The following CIITA variants were observed in gnomAD, a reference collection of about 807,000 sequenced individuals.
CIITA encodes MHC class II transactivator.
CIITA carries 72 observed loss-of-function variants against 115.1 expected under a neutral mutation model. That is an observed-to-expected ratio of 0.63 (90% confidence interval 0.52 to 0.76). The LOEUF is 0.76. Ranked by LOEUF, CIITA falls within the 30% of genes least tolerant of loss-of-function variation. CIITA has a pLI of 0.00. For synonymous variants in CIITA, 763 were observed against 635.6 expected (o/e 1.20, Z -3.02); for missense variants, 1,617 against 1,463.8 (o/e 1.10, Z -1.71).
At chr16:10,893,511 A>G (rs1336791492) in intron 1 of CIITA, among the ~76,000 whole-genome samples, 1 of 152,158 alleles carries the variant, frequency 6.6e-6, no homozygotes, top group East Asian at 1.9e-4. Flanking sequence ...TAATTCACAT[A>G]TACAATTTGC....
Position 10,923,240 on chromosome 16 carries a change from C to T in CIITA, c.3330C>T (p.Pro1110=). 1.9e-6 allele frequency: 3 copies of T among 1,613,410 alleles called. No homozygotes were observed. Among genetic ancestry groups the T allele is most frequent in the Non-Finnish European group, 2.5e-6 (3 of 1,179,998 alleles). The change falls in exon 19 of 20, where the codon CCC becomes CCT. Residue 1110 remains proline (P), a synonymous_variant. Transcript: ENST00000324288. This position sits in a 1 kb window ranked among gnomAD's most constrained non-coding sequence, Gnocchi z 5.2. ...TCCCCCCTTGCAGGATGTGGACGCC[C>T]ACCATCCCATTCAGTGTCCAGGAAC... The part of the protein sequence containing the change: ...PHVETLAMWT[P]TIPFSVQEHL...
Position 10,929,250 on chromosome 16 carries a change from T to C in CIITA, c.*5395T>C, listed in dbSNP as rs2145286725. 1.0e-6 allele frequency: 1 copy of C among 985,892 alleles called. No homozygotes were observed. Among genetic ancestry groups the C allele is most frequent in the Middle Eastern group, 5.2e-4 (1 of 1,914 alleles). 61.1% of individuals were successfully genotyped at this position (985,892 alleles called of 1,614,324 possible). A position where few individuals can be genotyped will look rare whatever the true frequency, so the allele number is the denominator to read the frequency against. The stretch of plus-strand genomic sequence containing the variant: ...GAGCTGGGAGTCGCTTTTGCGTGTG[T>C]CCGCAGTTTGAAGTGTCCTCTCCGA... On this transcript the variant is annotated 3_prime_UTR_variant, in exon 20 of 20. Transcript: ENST00000324288. The surrounding 1 kb of genome is among the most constrained non-coding windows in gnomAD (Gnocchi z 4.3).
chr16:10,908,040 A>G lies in CIITA; in HGVS notation c.2548A>G (p.Lys850Glu). Reference sequence around the variant, plus strand: ...GCCTCCTGATGCACATGTACTGGGCAAGGCCTTGGAGGCGGCGGGCCAAGA... The same window carrying G: ...GCCTCCTGATGCACATGTACTGGGCGAGGCCTTGGAGGCGGCGGGCCAAGA... Reference protein sequence around the residue: ...LTPPDAHVLGKALEAAGQDFS... With the variant: ...LTPPDAHVLGEALEAAGQDFS... Residue 850 changes from lysine to glutamate, a missense_variant, in exon 11 of 20, where the codon AAG becomes GAG. By Grantham distance (56) the Lys-to-Glu change is moderately conservative (BLOSUM62 1). Transcript: ENST00000324288. 1 of 1,613,574 alleles carries G rather than the reference A, an allele frequency of 6.2e-7. No individual in the cohort carries two copies. Among genetic ancestry groups the G allele is most frequent in the Non-Finnish European group, 8.5e-7 (1 of 1,179,636 alleles).
chr16:10,903,486 G>T (rs2038927624), intron 8 of CIITA, among the ~76,000 whole-genome samples: 1 of 152,158 alleles, frequency 6.6e-6, no homozygotes, highest in East Asian at 1.9e-4. Context: ...AGTAGTACCT[G>T]CCCTAAGTTC....
At position 10,942,298 on chromosome 16, in the gene CIITA, G is replaced by T; in HGVS notation, n.1424G>T. Reference sequence around the variant, plus strand: ...GGCTCCCTCGTGGCGCCTCCCTGGCGCTCGCAGGGCCTCGCAGAGCCGGTG... The same window carrying T: ...GGCTCCCTCGTGGCGCCTCCCTGGCTCTCGCAGGGCCTCGCAGAGCCGGTG... On this transcript the variant is annotated non_coding_transcript_exon_variant, in exon 2 of 2. Coordinates refer to the CIITA transcript ENST00000573379. The surrounding 1 kb of genome is among the most constrained non-coding windows in gnomAD (Gnocchi z 5.0). The T allele has an allele frequency of 3.3e-6, 1 of 304,494 alleles. No individual in the cohort carries two copies. The allele number at this position is 304,494 out of a possible 1,614,324, so 18.9% of individuals were successfully genotyped here.
rs1173192913 is a variant in CIITA at position 10,908,348 on chromosome 16, A to G, written c.2657+199A>G. ...ACTTGCCACACAGCAAGTGAGAGGC[A>G]ATGGCATTCTCCCAGTCAATATTTG... On this transcript the variant is annotated intron_variant, in intron 11 of 19. Transcript: ENST00000324288. 5 of 717,014 alleles carry G rather than the reference A, an allele frequency of 7.0e-6. No individual in the cohort carries two copies. The Admixed American group carries it at 1.0e-4, about 14-fold the overall frequency. The allele number at this position is 717,014 out of a possible 1,614,324, so 44.4% of individuals were successfully genotyped here. A position where few individuals can be genotyped will look rare whatever the true frequency, so the allele number is the denominator to read the frequency against.
At position 10,907,538 on chromosome 16, in the gene CIITA, C is replaced by T. The variant is rs143474425; in HGVS notation, c.2046C>T (p.Ser682=). Residue 682 remains serine (S), a synonymous_variant, in exon 11 of 20, where the codon TCC becomes TCT. Coordinates refer to ENST00000324288, the MANE Select transcript of CIITA (RefSeq NM_000246.4). The surrounding 1 kb of genome is among the most constrained non-coding windows in gnomAD (Gnocchi z 5.0). ...CCCTACAGGAGGACCAGTTCCCATC[C>T]GCAGACGTGAGGACCTGGGCGATGG... ...QSTLQEDQFP[S]ADVRTWAMAK... 4 of 1,614,166 alleles carry T rather than the reference C, an allele frequency of 2.5e-6. No individual in the cohort carries two copies. Among genetic ancestry groups the T allele is most frequent in the Non-Finnish European group, 2.5e-6 (3 of 1,180,036 alleles).
chr16:10,897,508 A>G (rs550197262), intron 3 of CIITA, among the ~76,000 whole-genome samples: 1 of 152,318 alleles, frequency 6.6e-6, no homozygotes, highest in African/African-American at 2.4e-5. Context: ...GAAGACAAAC[A>G]TTCACGTCAT....
rs2144700614 is a variant in CIITA, at chr16:10,906,716, G to A, written c.1224G>A (p.Arg408=). Residue 408 remains arginine, a synonymous_variant, in exon 11 of 20, where the codon CGG becomes CGA. Transcript: ENST00000324288. ...TGCTGTTGGCTGCCAAGGAGCACCG[G>A]CGGCCGCGTGAGACACGAGTGATTG... ...AEVLLAAKEH[R]RPRETRVIAV... is the part of the protein sequence containing the mutation. 2 of 1,611,578 alleles carry A rather than the reference G, an allele frequency of 1.2e-6. No homozygotes were observed. The highest frequency in any genetic ancestry group is 3.3e-5 in the Admixed American group (2 of 60,020).
chr16:10,902,496 G>T (rs1259849975), intron 7 of CIITA, among the ~76,000 whole-genome samples, 162 bp from the exon 8 acceptor site: 5 of 152,192 alleles, frequency 3.3e-5, no homozygotes. Flanking sequence ...CAACTGCTCT[G>T]CTAGGTGCTA....
rs1567409305 is a variant in CIITA at position 10,903,783 on chromosome 16, C to CGGCCTCCCAACATCTCCAGACCGGCCA, written c.829_855dup (p.Leu277_Gly285dup). The CGGCCTCCCAACATCTCCAGACCGGCCA allele has an allele frequency of 6.2e-7, 1 of 1,614,192 alleles. No individual in the cohort carries two copies. The highest frequency in any genetic ancestry group is 8.5e-7 in the Non-Finnish European group (1 of 1,180,034). On this transcript the variant is annotated inframe_insertion, in exon 9 of 20. Transcript: ENST00000324288. The stretch of plus-strand genomic sequence containing the variant: ...CCCCTCCCAGTGGATTCACTGTCCA[C>CGGCCTCCCAACATCTCCAGACCGGCCA]GGCCTCCCAACATCTCCAGACCGGC...
chr16:10,899,419 T>A (rs553609048), intron 5 of CIITA, among the ~76,000 whole-genome samples: 1 of 152,324 alleles, frequency 6.6e-6, no homozygotes, highest in African/African-American at 2.4e-5. Flanking sequence ...AACTGTCACC[T>A]CTTCCTGGAA....
At chr16:10,915,754 C>T in intron 14 of CIITA, 104 bp downstream of exon 14, 3 of 1,026,022 alleles carry the variant, frequency 2.9e-6, no homozygotes, top group Non-Finnish European at 4.5e-6. Context: ...GTCCTCCTGC[C>T]TCAGCCTCCT....
chr16:10,919,799 A>G (rs1003273977), intron 16 of CIITA, among the ~76,000 whole-genome samples: 2 of 152,230 alleles, frequency 1.3e-5, no homozygotes, highest in Non-Finnish European at 2.9e-5. Context: ...AACTAGAGAT[A>G]CAAGTATGAA....
chr16:10,905,588 C>A (rs554580212), intron 10 of CIITA, among the ~76,000 whole-genome samples: 1 of 151,124 alleles, frequency 6.6e-6, no homozygotes, highest in South Asian at 2.1e-4. Context: ...TAGTGAAACC[C>A]CGTCTCCATT....
rs2038948026 is a variant in CIITA at position 10,903,794 on chromosome 16, C to T, written c.836C>T (p.Thr279Ile). 6.2e-7 allele frequency: 1 copy of T among 1,614,220 alleles called. No homozygotes were observed. Among genetic ancestry groups the T allele is most frequent in the Non-Finnish European group, 8.5e-7 (1 of 1,180,042 alleles). ...PSGFTVHGLP[T>I]SPDRPGSTSP... is the part of the protein sequence containing the mutation. Reference sequence around the variant, plus strand: ...GGATTCACTGTCCACGGCCTCCCAACATCTCCAGACCGGCCAGGCTCCACC... The same window carrying T: ...GGATTCACTGTCCACGGCCTCCCAATATCTCCAGACCGGCCAGGCTCCACC... Residue 279 changes from threonine (T) to isoleucine (I), a missense_variant, in exon 9 of 20, where the codon ACA (threonine) becomes ATA (isoleucine). Coordinates refer to ENST00000324288, the MANE Select transcript of CIITA (RefSeq NM_000246.4).
intron 1 of CIITA, among the ~76,000 whole-genome samples, chr16:10,883,569 G>A (rs1385304431): frequency 3.3e-5 from 5 of 152,196 alleles, no homozygotes; most frequent in African/African-American, 1.2e-4. Context: ...GGGACCCAGA[G>A]AAGATAGGTG....
chr16:10,898,869 C>G (rs1297707100), intron 4 of CIITA, 56 bp from the exon 5 acceptor site: 1 of 1,607,144 alleles, frequency 6.2e-7, no homozygotes, highest in African/African-American at 1.3e-5. Context: ...ACAATAGAGA[C>G]TCACCTTGGG....
chr16:10,898,453 T>C (rs570579827), intron 3 of CIITA, among the ~76,000 whole-genome samples: 1 of 151,976 alleles, frequency 6.6e-6, no homozygotes, highest in East Asian at 2.0e-4. Context: ...TAGCAGTAGA[T>C]AAGTTTTCAT....
Sources: gnomAD v4.1 joint callset for allele counts (sites outside exome capture counted in the v4.1 genomes callset) on GRCh38, gnomAD v4.1.1 for gene constraint, Gnocchi (gnomAD v3.1) non-coding constraint, MANE v1.5 for transcripts, NCBI Gene and HGNC (gene_info 2026-07-23, HGNC 2026-07-21) for gene names.